RGL1: variants seen among roughly 807,000 people sequenced by gnomAD.
RGL1 encodes the protein ral guanine nucleotide dissociation stimulator-like 1.
In RGL1, 24 loss-of-function variants were observed where a neutral mutation model predicts 95.2. The ratio of observed to expected loss-of-function variants is 0.25; its 90% CI spans 0.18 to 0.35. The LOEUF (loss-of-function observed/expected upper bound fraction) is 0.35, where lower values mean the gene tolerates loss of function less well. Ranked by LOEUF, RGL1 falls within the 10% of genes least tolerant of loss-of-function variation. RGL1 has a pLI of 1.00. For synonymous variants in RGL1, 329 were observed against 344.9 expected (o/e 0.95, Z 0.51); for missense variants, 715 against 936.3 (o/e 0.76, Z 3.08).
At chr1:183,699,231 C>T (rs1018681103) in intron 1 of RGL1, among the ~76,000 whole-genome samples, 2 of 152,176 alleles carry the variant, frequency 1.3e-5, no homozygotes, top group African/African-American at 4.8e-5. Flanking sequence ...TGTAACTTAC[C>T]CTGAACAATG....
chr1:183,826,430 G>A (rs975607209), intron 2 of RGL1, among the ~76,000 whole-genome samples: 6 of 151,990 alleles, frequency 3.9e-5, no homozygotes, highest in Middle Eastern at 3.2e-3. Flanking sequence ...TTGCTGCTTC[G>A]TACATTAGAA....
At position 183,879,627 on chromosome 1, in the gene RGL1, G is replaced by A. The variant is rs4651157; in HGVS notation, c.426-989G>A. Among the ~76,000 whole-genome samples the A allele has an allele frequency of 3.8e-3, 573 of 152,086 alleles. 3 individuals carry two copies. The highest frequency in any genetic ancestry group is 0.01 in the Middle Eastern group (3 of 292). ...TCCAGCCTTCAGCAGTGACTATTCC[G>A]GGACCGTATGGGGTAACTGGTTGCT... On this transcript the variant is annotated intron_variant, in intron 4 of 17. Coordinates refer to ENST00000360851, the MANE Select transcript of RGL1 (RefSeq NM_001297671.3).
intron 13 of RGL1, 54 bp downstream of exon 13, chr1:183,905,025 G>T: frequency 1.3e-6 from 2 of 1,582,254 alleles, no homozygotes; most frequent in Non-Finnish European, 1.7e-6. Flanking sequence ...CAAGAAAAAT[G>T]CTGCATTTAA....
intron 1 of RGL1, among the ~76,000 whole-genome samples, chr1:183,646,212 A>G (rs16861362): frequency 0.013 from 1,990 of 152,352 alleles, 50 homozygotes; most frequent in African/African-American, 0.046. Context: ...AATACTCACT[A>G]TATACCCAGA....
At chr1:183,897,579 A>G (rs550184039) in intron 9 of RGL1, among the ~76,000 whole-genome samples, 1 of 152,058 alleles carries the variant, frequency 6.6e-6, no homozygotes, top group Admixed American at 6.6e-5. Flanking sequence ...TGGGGGAAGA[A>G]CAAGAAAATC....
chr1:183,891,741 T>G (rs887751501), intron 8 of RGL1, among the ~76,000 whole-genome samples: 789 of 45,846 alleles, frequency 0.017, 6 homozygotes, highest in African/African-American at 0.054. Flanking sequence ...CAGTTTTTTT[T>G]TTTTTTTTTT....
At chr1:183,902,537 T>C (rs540431778) in intron 11 of RGL1, 31 bp from the exon 12 acceptor site, 2 of 1,596,656 alleles carry the variant, frequency 1.3e-6, no homozygotes, top group African/African-American at 2.7e-5. Flanking sequence ...GTAGCTTGGT[T>C]GCTCACTCTT....
chr1:183,756,575 T>A (rs1658351312), intron 2 of RGL1, among the ~76,000 whole-genome samples: 1 of 152,154 alleles, frequency 6.6e-6, no homozygotes, highest in Non-Finnish European at 1.5e-5. Flanking sequence ...GTCAGACATG[T>A]TTAGGATGGC....
At chr1:183,891,792 TG>T (rs1667440605) in intron 8 of RGL1, among the ~76,000 whole-genome samples, 1 of 149,618 alleles carries the variant, frequency 6.7e-6, no homozygotes, top group African/African-American at 2.5e-5. Context: ...ATGTCCTAAT[TG>T]AACAACTTGA....
intron 2 of RGL1, among the ~76,000 whole-genome samples, chr1:183,811,136 G>T (rs953911207): frequency 1.3e-5 from 2 of 152,174 alleles, no homozygotes. Flanking sequence ...GGGCATGGGA[G>T]CAAGAAAAAT....
chr1:183,677,651 G>A (rs534908406), intron 1 of RGL1, among the ~76,000 whole-genome samples: 23 of 152,338 alleles, frequency 1.5e-4, no homozygotes, highest in Middle Eastern at 6.8e-3. Context: ...AAGCCCTGTG[G>A]AAGTGTTAAT....
intron 1 of RGL1, among the ~76,000 whole-genome samples, chr1:183,704,119 G>A (rs1654761679): frequency 6.6e-6 from 1 of 152,200 alleles, no homozygotes; most frequent in Non-Finnish European, 1.5e-5. Flanking sequence ...ACAGGTTGTA[G>A]GTGTACTTGT....
At chr1:183,906,456 C>T (rs1457788466) in intron 13 of RGL1, among the ~76,000 whole-genome samples, 2 of 151,738 alleles carry the variant, frequency 1.3e-5, no homozygotes, top group East Asian at 1.9e-4. Flanking sequence ...ATGGTGAAAC[C>T]CCATCTCTAC....
At chr1:183,715,565 A>G (rs1164438832) in intron 1 of RGL1, among the ~76,000 whole-genome samples, 1 of 152,166 alleles carries the variant, frequency 6.6e-6, no homozygotes, top group Non-Finnish European at 1.5e-5. Flanking sequence ...GACAGAGACT[A>G]TTAACACTTT....
intron 1 of RGL1, among the ~76,000 whole-genome samples, chr1:183,652,416 A>G (rs149813623): frequency 2.5e-4 from 38 of 152,282 alleles, no homozygotes; most frequent in Admixed American, 9.8e-4. Context: ...ATAGTTTCCT[A>G]TTGGTGAAGT....
chr1:183,910,356 C>T (rs1668572611), intron 14 of RGL1, among the ~76,000 whole-genome samples: 2 of 152,214 alleles, frequency 1.3e-5, no homozygotes, highest in Admixed American at 6.5e-5. Context: ...CCTCGGCCTC[C>T]CAAAGTGCTG....
chr1:183,849,496 T>A (rs1363678061), intron 3 of RGL1, among the ~76,000 whole-genome samples: 1 of 139,830 alleles, frequency 7.2e-6, no homozygotes, highest in Admixed American at 7.3e-5. Context: ...TTTTTTTTTT[T>A]TTTTTTTTTT....
rs973958795 is a variant in RGL1 at position 183,661,284 on chromosome 1, G to A, written c.-33+24783G>A. Among the ~76,000 whole-genome samples the A allele has an allele frequency of 3.3e-5, 5 of 152,002 alleles. No individual in the cohort carries two copies. In the South Asian group the frequency reaches 1.0e-3, roughly 32 times the overall value. The stretch of plus-strand genomic sequence containing the variant: ...GAATCCAGGAGCTGGTTTTTTGAAA[G>A]GATCAACAAAATTGATAGACCGCTA... On this transcript the variant is annotated intron_variant, in intron 1 of 18. Transcript: ENST00000304685.
chr1:183,885,794 T>C (rs951139538), intron 7 of RGL1, among the ~76,000 whole-genome samples: 1 of 152,008 alleles, frequency 6.6e-6, no homozygotes. Context: ...CCTGAGACAG[T>C]AGAGGAGTAG....
Sources: gnomAD v4.1 joint callset for allele counts (sites outside exome capture counted in the v4.1 genomes callset) on GRCh38, gnomAD v4.1.1 for gene constraint, MANE v1.5 for transcripts, NCBI Gene and HGNC (gene_info 2026-07-23, HGNC 2026-07-21) for gene names.